The following GLRB variants were observed in gnomAD, a reference collection of about 807,000 sequenced individuals.
GLRB encodes the protein glycine receptor subunit beta.
Under a neutral mutation model 54.2 loss-of-function variants are expected in GLRB, and 33 were observed. The observed-to-expected ratio is 0.61, with a 90% confidence interval of 0.46 to 0.81. GLRB has a LOEUF of 0.81. GLRB is among the 40% of genes least tolerant of loss of function. The pLI, the probability that GLRB is intolerant of heterozygous loss-of-function variation, is 0.00. For missense variants in GLRB, 572 were observed against 584.6 expected (o/e 0.98, Z 0.22); for synonymous variants, 209 against 208.2 (o/e 1.00, Z -0.03).
At chr4:157,113,418 T>A (rs190458038) in intron 2 of GLRB, among the ~76,000 whole-genome samples, 342 of 152,044 alleles carry the variant, frequency 2.2e-3, no homozygotes, top group African/African-American at 7.9e-3. Context: ...TTAGTGAGAA[T>A]GTATAATGTT....
intron 4 of GLRB, among the ~76,000 whole-genome samples, chr4:157,132,603 T>C (rs1362275021): frequency 1.3e-5 from 2 of 151,836 alleles, no homozygotes; most frequent in Non-Finnish European, 2.9e-5. Flanking sequence ...TGCTTTGTTC[T>C]TACATCCCTT....
intron 2 of GLRB, 29 bp from the exon 3 acceptor site, chr4:157,120,527 A>G (rs764440507): frequency 4.2e-6 from 5 of 1,201,096 alleles, no homozygotes; most frequent in Admixed American, 3.4e-5. Flanking sequence ...ATTTATAACT[A>G]CTTATCAGGA....
chr4:157,121,879 T>A (rs1172815037), intron 3 of GLRB, among the ~76,000 whole-genome samples: 1 of 151,626 alleles, frequency 6.6e-6, no homozygotes, highest in Admixed American at 6.6e-5. Flanking sequence ...AAAATAATAA[T>A]TACAAGTAAA....
At chr4:157,094,774 T>C (rs1038698741) in intron 2 of GLRB, among the ~76,000 whole-genome samples, 1 of 152,150 alleles carries the variant, frequency 6.6e-6, no homozygotes, top group African/African-American at 2.4e-5. Flanking sequence ...CAAAATGGCA[T>C]AAGCATTTGG....
At chr4:157,116,056 A>G (rs1441470776) in intron 2 of GLRB, among the ~76,000 whole-genome samples, 3 of 151,868 alleles carry the variant, frequency 2.0e-5, no homozygotes, top group Non-Finnish European at 2.9e-5. Context: ...GTCATGTAAA[A>G]AAAAAGAATG....
chr4:157,091,038 GA>G, intron 2 of GLRB, among the ~76,000 whole-genome samples: 1 of 152,108 alleles, frequency 6.6e-6, no homozygotes, highest in South Asian at 2.1e-4. Flanking sequence ...GGTGTTGCAT[GA>G]AAATGGCTTT....
rs527904761 is a variant in GLRB, at chr4:157,138,825, T to A, written c.627T>A (p.Asp209Glu). The A allele has an allele frequency of 1.3e-4, 201 of 1,550,336 alleles. 1 individual carries two copies. The South Asian group carries it at 2.1e-3, about 17-fold the overall frequency. The change falls in exon 7 of 10, where the codon GAT (aspartate) becomes GAA (glutamate). Residue 209 changes from aspartate to glutamate, a missense_variant. Asp to Glu is a conservative substitution (Grantham distance 45). Coordinates refer to ENST00000264428, the MANE Select transcript of GLRB (RefSeq NM_000824.5). ...TGTTTATAGTTGGTTACACAACTGATGATTTACGATTTATCTGGCAGTCAG... is the reference window on the plus strand; with the variant it reads ...TGTTTATAGTTGGTTACACAACTGAAGATTTACGATTTATCTGGCAGTCAG... ...MQLESFGYTT[D>E]DLRFIWQSGD...
intron 6 of GLRB, among the ~76,000 whole-genome samples, chr4:157,138,079 G>T (rs553854441): frequency 5.9e-4 from 89 of 152,122 alleles, no homozygotes; most frequent in African/African-American, 1.8e-3. Flanking sequence ...TGATGATGAT[G>T]ATTATTTTTT....
intron 2 of GLRB, among the ~76,000 whole-genome samples, chr4:157,093,437 G>C (rs555030120): frequency 1.3e-5 from 2 of 151,998 alleles, no homozygotes; most frequent in African/African-American, 2.4e-5. Flanking sequence ...AAAAAGAAGC[G>C]AAGTATAAAA....
At chr4:157,147,880 T>A (rs1419876190) in intron 8 of GLRB, among the ~76,000 whole-genome samples, 1 of 152,222 alleles carries the variant, frequency 6.6e-6, no homozygotes, top group East Asian at 1.9e-4. Flanking sequence ...TCCGTTAAAC[T>A]CTGCTCTTAC....
At chr4:157,082,677 G>A (rs1734265383) in intron 2 of GLRB, among the ~76,000 whole-genome samples, 2 of 152,034 alleles carry the variant, frequency 1.3e-5, no homozygotes, top group South Asian at 4.1e-4. Context: ...TTCCGTTTTG[G>A]CCTCATCATA....
At chr4:157,151,506 A>T (rs1737020497) in intron 8 of GLRB, among the ~76,000 whole-genome samples, 1 of 152,264 alleles carries the variant, frequency 6.6e-6, no homozygotes, top group Admixed American at 6.5e-5. Context: ...TTGTAAAAGT[A>T]AACTAGGAGC....
chr4:157,132,092 C>T (rs937059900), intron 4 of GLRB, among the ~76,000 whole-genome samples: 1 of 151,774 alleles, frequency 6.6e-6, no homozygotes, highest in Non-Finnish European at 1.5e-5. Flanking sequence ...TGGATTTTGG[C>T]CATTCAAATA....
chr4:157,115,031 A>G (rs1368312674), intron 2 of GLRB, among the ~76,000 whole-genome samples: 1 of 99,068 alleles, frequency 1.0e-5, no homozygotes, highest in Non-Finnish European at 2.3e-5. Flanking sequence ...ATTAGAAAGC[A>G]GAAGATCTAC....
At chr4:157,138,065 A>C (rs1360970043) in intron 6 of GLRB, among the ~76,000 whole-genome samples, 1 of 152,110 alleles carries the variant, frequency 6.6e-6, no homozygotes, top group Non-Finnish European at 1.5e-5. Flanking sequence ...TGCAGTGATC[A>C]TAATGATGAT....
chr4:157,122,472 A>G (rs1735861873), intron 4 of GLRB, 75 bp downstream of exon 4: 3 of 609,818 alleles, frequency 4.9e-6, no homozygotes, highest in Admixed American at 2.3e-5. Flanking sequence ...TTAAAATTGA[A>G]CAATAAGGAG....
chr4:157,152,569 T>G, intron 8 of GLRB, 149 bp from the exon 9 acceptor site: 1 of 754,276 alleles, frequency 1.3e-6, no homozygotes, highest in East Asian at 2.4e-5. Context: ...TACCTATTAT[T>G]TATTCTAGTC....
intron 8 of GLRB, 149 bp downstream of exon 8, chr4:157,144,108 G>C (rs1208325916): frequency 3.9e-6 from 3 of 774,304 alleles, no homozygotes; most frequent in Admixed American, 4.1e-5. Context: ...ACTTGATATT[G>C]AACTAGATTT....
At chr4:157,123,334 CT>C (rs1735901554) in intron 4 of GLRB, among the ~76,000 whole-genome samples, 1 of 151,674 alleles carries the variant, frequency 6.6e-6, no homozygotes, top group African/African-American at 2.4e-5. Flanking sequence ...GAAATAATTA[CT>C]TAAAATATTT....
Sources: gnomAD v4.1 joint callset for allele counts (sites outside exome capture counted in the v4.1 genomes callset) on GRCh38, gnomAD v4.1.1 for gene constraint, MANE v1.5 for transcripts, NCBI Gene and HGNC (gene_info 2026-07-23, HGNC 2026-07-21) for gene names.